Variants in SPIDR observed in about 807,000 individuals in gnomAD.
SPIDR encodes scaffold protein involved in DNA repair.
SPIDR carries 93 observed loss-of-function variants against 104.6 expected under a neutral mutation model. The ratio of observed to expected loss-of-function variants is 0.89; its 90% confidence interval spans 0.75 to 1.06. SPIDR has a LOEUF of 1.06. SPIDR is among the 50% of genes least tolerant of loss of function. The pLI is 0.00. For synonymous variants in SPIDR, 431 were observed against 416.9 expected (o/e 1.03, Z -0.41); for missense variants, 1,154 against 1,111.2 (o/e 1.04, Z -0.55).
chr8:47,720,416 G>T (rs1368695036), intron 16 of SPIDR, among the ~76,000 whole-genome samples: 1 of 152,212 alleles, frequency 6.6e-6, no homozygotes. Context: ...AAAGTTGGCT[G>T]TATCATTTTG....
intron 8 of SPIDR, among the ~76,000 whole-genome samples, chr8:47,455,806 A>G (rs1586006466): frequency 1.3e-5 from 2 of 152,310 alleles, no homozygotes; most frequent in East Asian, 1.9e-4. Flanking sequence ...GCAAAAACAT[A>G]AAATAATTTT....
At chr8:47,586,808 G>A (rs561403145) in intron 8 of SPIDR, among the ~76,000 whole-genome samples, 2 of 151,996 alleles carry the variant, frequency 1.3e-5, no homozygotes, top group Non-Finnish European at 2.9e-5. Flanking sequence ...TCGCTCTGTC[G>A]ACCAGGCTGG....
chr8:47,585,166 C>T (rs7823419), intron 8 of SPIDR, among the ~76,000 whole-genome samples: 4,313 of 152,116 alleles, frequency 0.028, 213 homozygotes, highest in African/African-American at 0.097. Flanking sequence ...GAACATAGTA[C>T]GTGAAGTTAA....
intron 5 of SPIDR, among the ~76,000 whole-genome samples, chr8:47,327,238 A>G (rs2154265863): frequency 6.6e-6 from 1 of 152,238 alleles, no homozygotes; most frequent in East Asian, 1.9e-4. Flanking sequence ...GGTGATCTGA[A>G]TATCTTCTTG....
chr8:47,329,318 G>A (rs1442038347), intron 5 of SPIDR, among the ~76,000 whole-genome samples: 2 of 152,006 alleles, frequency 1.3e-5, no homozygotes, highest in East Asian at 1.9e-4. Context: ...TGATCCGCCC[G>A]CCTCAGCCTC....
chr8:47,685,513 A>ATTTG (rs376980650), intron 11 of SPIDR, among the ~76,000 whole-genome samples: 1 of 120,972 alleles, frequency 8.3e-6, no homozygotes, highest in Admixed American at 8.6e-5. Flanking sequence ...TTATTTATTT[A>ATTTG]TTTATTTTTT....
chr8:47,704,793 G>A (rs1163406741), intron 14 of SPIDR, among the ~76,000 whole-genome samples: 1 of 152,170 alleles, frequency 6.6e-6, no homozygotes, highest in African/African-American at 2.4e-5. Context: ...TGCTCCCTGT[G>A]AGCACCCCAG....
chr8:47,643,645 C>T (rs371365257), intron 10 of SPIDR, among the ~76,000 whole-genome samples: 97 of 152,218 alleles, frequency 6.4e-4, no homozygotes, highest in African/African-American at 2.3e-3. Flanking sequence ...GGATTACAGG[C>T]GTGAGCCATT....
intron 10 of SPIDR, among the ~76,000 whole-genome samples, chr8:47,604,402 G>C (rs2062689568): frequency 6.6e-6 from 1 of 152,224 alleles, no homozygotes; most frequent in Non-Finnish European, 1.5e-5. Flanking sequence ...TGTTTGCTGT[G>C]GCTGCCCACT....
rs189351409 is a variant in SPIDR, at chr8:47,344,196, C to T, written c.525+50166C>T. On this transcript the variant is annotated intron_variant, in intron 5 of 19. Transcript: ENST00000297423. ...AAGTGTTCTCATTGTTCAATTCCCA[C>T]CTATGAGTGAGAACATGCGGTGTTT... is the stretch of plus-strand genomic sequence containing the variant. 3.7e-3 allele frequency among the ~76,000 whole-genome samples: 560 copies of T among 151,218 alleles called. 2 individuals carry two copies. The highest frequency in any genetic ancestry group is 0.017 in the Middle Eastern group (5 of 292).
intron 10 of SPIDR, among the ~76,000 whole-genome samples, chr8:47,629,452 T>C (rs1031169143): frequency 6.6e-6 from 1 of 152,216 alleles, no homozygotes; most frequent in Non-Finnish European, 1.5e-5. Context: ...TGTGTGCCAG[T>C]AGAACTTTAG....
intron 5 of SPIDR, among the ~76,000 whole-genome samples, chr8:47,392,540 C>A (rs1200082523): frequency 6.6e-6 from 1 of 152,192 alleles, no homozygotes; most frequent in East Asian, 1.9e-4. Flanking sequence ...TTAGCTAATT[C>A]TCACTGAGGA....
intron 10 of SPIDR, among the ~76,000 whole-genome samples, chr8:47,642,796 C>G (rs914989676): frequency 2.0e-5 from 3 of 152,088 alleles, no homozygotes; most frequent in Admixed American, 1.3e-4. Context: ...GTAGTCTTAG[C>G]TACTTGAGAG....
At chr8:47,286,952 C>T (rs1040398937) in intron 3 of SPIDR, among the ~76,000 whole-genome samples, 72 of 152,124 alleles carry the variant, frequency 4.7e-4, no homozygotes, top group Middle Eastern at 3.4e-3. Context: ...TGGGGGAACC[C>T]GCCCCCAATA....
chr8:47,558,965 T>C (rs1366073367), intron 8 of SPIDR, among the ~76,000 whole-genome samples: 1 of 152,156 alleles, frequency 6.6e-6, no homozygotes, highest in African/African-American at 2.4e-5. Context: ...AAATGTAAGT[T>C]TGAATTCCAA....
chr8:47,475,982 CA>C (rs1177788347), intron 8 of SPIDR, among the ~76,000 whole-genome samples: 1 of 152,138 alleles, frequency 6.6e-6, no homozygotes, highest in Admixed American at 6.5e-5. Flanking sequence ...AGAGGAAATA[CA>C]GTTGTTAGAT....
At chr8:47,420,300 T>C (rs1283384720) in intron 7 of SPIDR, among the ~76,000 whole-genome samples, 1 of 152,166 alleles carries the variant, frequency 6.6e-6, no homozygotes, top group Non-Finnish European at 1.5e-5. Flanking sequence ...TGGGTGCTCC[T>C]GTATTAGGTG....
At chr8:47,433,016 C>T (rs1184936710) in intron 7 of SPIDR, among the ~76,000 whole-genome samples, 1 of 152,130 alleles carries the variant, frequency 6.6e-6, no homozygotes, top group African/African-American at 2.4e-5. Context: ...CCAGTATTCT[C>T]ATACTACCTG....
At chr8:47,491,872 A>T (rs1330763476) in intron 8 of SPIDR, among the ~76,000 whole-genome samples, 1 of 152,138 alleles carries the variant, frequency 6.6e-6, no homozygotes, top group East Asian at 1.9e-4. Context: ...AAAGAAAACC[A>T]GCCAATATTG....
Sources: gnomAD v4.1 joint callset for allele counts (sites outside exome capture counted in the v4.1 genomes callset) on GRCh38, gnomAD v4.1.1 for gene constraint, MANE v1.5 for transcripts, NCBI Gene and HGNC (gene_info 2026-07-23, HGNC 2026-07-21) for gene names.